The following CNTNAP2 variants were observed in gnomAD, a reference collection of about 807,000 sequenced individuals.
CNTNAP2 encodes the protein contactin-associated protein-like 2.
A neutral mutation model predicts 155.2 loss-of-function variants in CNTNAP2; 98 were observed. The ratio of observed to expected loss-of-function variants is 0.63; its 90% CI spans 0.54 to 0.75. The LOEUF (loss-of-function observed/expected upper bound fraction) is 0.75, where lower values mean the gene tolerates loss of function less well. Among genes scored for constraint, CNTNAP2 ranks in the 30% least tolerant of loss-of-function variants. The pLI is 0.00. For synonymous variants in CNTNAP2, 651 were observed against 631.2 expected (o/e 1.03, Z -0.47); for missense variants, 1,727 against 1,688.1 (o/e 1.02, Z -0.40).
At chr7:146,545,103 G>C (rs1798010256) in intron 1 of CNTNAP2, among the ~76,000 whole-genome samples, 1 of 151,880 alleles carries the variant, frequency 6.6e-6, no homozygotes, top group Non-Finnish European at 1.5e-5. Context: ...TCAGGTAGGA[G>C]GGAGTATGGA....
chr7:148,135,485 G>T (rs1385439660), intron 16 of CNTNAP2, among the ~76,000 whole-genome samples: 1 of 152,082 alleles, frequency 6.6e-6, no homozygotes, highest in Non-Finnish European at 1.5e-5. Context: ...TTAAGTATGT[G>T]ATATGCGATT....
chr7:146,761,021 A>G (rs1217867325), intron 1 of CNTNAP2, among the ~76,000 whole-genome samples: 1 of 152,142 alleles, frequency 6.6e-6, no homozygotes, highest in Non-Finnish European at 1.5e-5. Flanking sequence ...AGTATGCCAA[A>G]CAGGGTCAAA....
chr7:148,222,498 G>A (rs770067699), intron 19 of CNTNAP2, among the ~76,000 whole-genome samples: 31 of 151,308 alleles, frequency 2.0e-4, no homozygotes, highest in Non-Finnish European at 4.0e-4. Context: ...ATGAATCTAT[G>A]AATGGATCAT....
At chr7:146,847,935 G>C (rs76615596) in intron 3 of CNTNAP2, among the ~76,000 whole-genome samples, 1 of 152,134 alleles carries the variant, frequency 6.6e-6, no homozygotes, top group African/African-American at 2.4e-5. Flanking sequence ...GATAAAGTGC[G>C]TTAACTTCGG....
intron 21 of CNTNAP2, among the ~76,000 whole-genome samples, chr7:148,318,268 AGTCACCCGGCT>A (rs1797726710): frequency 1.3e-5 from 2 of 152,280 alleles, no homozygotes; most frequent in South Asian, 4.2e-4. Context: ...CCTGCAGAGA[AGTCACCCGGCT>A]GTCGCCTGCT....
chr7:147,273,801 T>C (rs1316991421), intron 8 of CNTNAP2, among the ~76,000 whole-genome samples: 1 of 147,256 alleles, frequency 6.8e-6, no homozygotes, highest in African/African-American at 2.5e-5. Flanking sequence ...TATATATTTT[T>C]ATATCTATAC....
At chr7:147,056,572 T>A (rs1428172416) in intron 4 of CNTNAP2, among the ~76,000 whole-genome samples, 2 of 152,166 alleles carry the variant, frequency 1.3e-5, no homozygotes, top group African/African-American at 4.8e-5. Flanking sequence ...GCTGTGTCCA[T>A]CTATTACAGG....
At chr7:147,290,050 A>C (rs551871881) in intron 8 of CNTNAP2, among the ~76,000 whole-genome samples, 1 of 152,300 alleles carries the variant, frequency 6.6e-6, no homozygotes, top group South Asian at 2.1e-4. Context: ...AGTCACTGTG[A>C]AAATTGAATT....
At chr7:147,985,984 A>AC (rs1410890407) in intron 15 of CNTNAP2, among the ~76,000 whole-genome samples, 2 of 151,864 alleles carry the variant, frequency 1.3e-5, no homozygotes, top group African/African-American at 4.8e-5. Flanking sequence ...GTTTTCCTAG[A>AC]CCCCTCATTT....
chr7:148,097,858 G>T (rs1402679975), intron 15 of CNTNAP2, among the ~76,000 whole-genome samples: 1 of 152,076 alleles, frequency 6.6e-6, no homozygotes, highest in African/African-American at 2.4e-5. Context: ...ACAGAGCAAA[G>T]AACAAAATAG....
In CNTNAP2 at chr7:146,303,271, G is replaced by A. The variant is rs550195029; in HGVS notation, c.97+186298G>A. ...TTTCAAACATGAACAAAAATTGAGA[G>A]AATGACATAATAAACACTCATGTAC... is the stretch of plus-strand genomic sequence containing the variant. On this transcript the variant is annotated intron_variant, in intron 1 of 23. Coordinates refer to ENST00000361727, the MANE Select transcript of CNTNAP2 (RefSeq NM_014141.6). Among the ~76,000 whole-genome samples, 323 of 152,104 alleles carry A rather than the reference G, an allele frequency of 2.1e-3. 6 individuals carry two copies. The highest frequency in any genetic ancestry group is 6.8e-3 in the Middle Eastern group (2 of 294).
chr7:147,594,380 C>A (rs1191072509), intron 12 of CNTNAP2, among the ~76,000 whole-genome samples: 1 of 152,102 alleles, frequency 6.6e-6, no homozygotes, highest in African/African-American at 2.4e-5. Context: ...GAAGTTCCCA[C>A]CAGTCCTCTG....
intron 21 of CNTNAP2, among the ~76,000 whole-genome samples, chr7:148,319,662 A>T (rs1797755130): frequency 6.6e-6 from 1 of 151,982 alleles, no homozygotes; most frequent in East Asian, 1.9e-4. Context: ...TTCTCATAGG[A>T]GCACAAACCC....
At chr7:147,569,177 T>A (rs527817150) in intron 12 of CNTNAP2, among the ~76,000 whole-genome samples, 4 of 152,330 alleles carry the variant, frequency 2.6e-5, no homozygotes, top group African/African-American at 9.6e-5. Context: ...CGTGTCTTTT[T>A]AATCTAATAT....
intron 3 of CNTNAP2, among the ~76,000 whole-genome samples, chr7:146,851,860 TA>T (rs1036170516): frequency 6.6e-5 from 10 of 151,746 alleles, no homozygotes; most frequent in South Asian, 2.1e-4. Context: ...TTAATTTATT[TA>T]TTTTTTGTAG....
intron 8 of CNTNAP2, among the ~76,000 whole-genome samples, chr7:147,200,563 T>C (rs1166916257): frequency 6.6e-6 from 1 of 152,200 alleles, no homozygotes; most frequent in African/African-American, 2.4e-5. Flanking sequence ...TTTGTTCTAG[T>C]GGACAGCAAA....
At chr7:148,133,642 A>T (rs1167034049) in intron 16 of CNTNAP2, 2 of 152,128 alleles carry the variant, frequency 1.3e-5, no homozygotes, top group Non-Finnish European at 1.5e-5. Flanking sequence ...TCTTGACCAC[A>T]CTGAACCAGC....
At chr7:147,821,089 A>G (rs1485507476) in intron 13 of CNTNAP2, among the ~76,000 whole-genome samples, 2 of 152,184 alleles carry the variant, frequency 1.3e-5, no homozygotes, top group Non-Finnish European at 2.9e-5. Flanking sequence ...GATACTAAAG[A>G]CATAGTTACC....
chr7:147,659,090 C>T (rs570141906), intron 13 of CNTNAP2, among the ~76,000 whole-genome samples: 2 of 152,248 alleles, frequency 1.3e-5, no homozygotes, highest in South Asian at 2.1e-4. Context: ...TATATTATGG[C>T]ACACAGATAA....
Sources: allele counts gnomAD v4.1 joint callset (sites outside exome capture counted in the v4.1 genomes callset), GRCh38; gene constraint gnomAD v4.1.1; transcripts MANE v1.5; gene names NCBI Gene and HGNC (gene_info 2026-07-23, HGNC 2026-07-21).